Variants in DHRS7B observed in about 807,000 individuals in gnomAD.
DHRS7B encodes dehydrogenase/reductase 7B, also known as peroxisomal reductase activating PPAR-gamma.
DHRS7B carries 24 observed loss-of-function variants against 26.4 expected under a neutral mutation model. That is an observed-to-expected ratio of 0.91 (90% CI 0.66 to 1.28). The LOEUF (loss-of-function observed/expected upper bound fraction) is 1.28. DHRS7B is among the 50% of genes most tolerant of loss of function. DHRS7B has a pLI of 0.00. For missense variants in DHRS7B, 368 were observed against 419.4 expected (o/e 0.88, Z 1.07); for synonymous variants, 142 against 166.4 (o/e 0.85, Z 1.13).
chr17:21,184,124 G>A (rs1221966852), intron 4 of DHRS7B, among the ~76,000 whole-genome samples: 1 of 152,226 alleles, frequency 6.6e-6, no homozygotes, highest in East Asian at 1.9e-4. Flanking sequence ...CAGGAAAAGG[G>A]AACTGAGCTA....
intron 1 of DHRS7B, among the ~76,000 whole-genome samples, chr17:21,132,963 C>T (rs1973271651): frequency 6.6e-6 from 1 of 151,984 alleles, no homozygotes; most frequent in Non-Finnish European, 1.5e-5. Flanking sequence ...AGTCTGAGTA[C>T]GTTGGTTGAA....
chr17:21,138,065 T>TAAAAA (rs1567616007), intron 1 of DHRS7B, among the ~76,000 whole-genome samples: 114 of 10,196 alleles, frequency 0.011, 1 homozygote, highest in African/African-American at 0.051. Flanking sequence ...CCGGCCTCTT[T>TAAAAA]TAAAAAAAAA....
intron 6 of DHRS7B, among the ~76,000 whole-genome samples, chr17:21,189,882 A>C (rs1974738053): frequency 6.6e-6 from 1 of 152,248 alleles, no homozygotes; most frequent in Non-Finnish European, 1.5e-5. Flanking sequence ...GAGTGGTTTC[A>C]TATGGCTAGG....
At chr17:21,180,440 T>G (rs1974492109) in intron 3 of DHRS7B, among the ~76,000 whole-genome samples, 1 of 152,198 alleles carries the variant, frequency 6.6e-6, no homozygotes, top group Non-Finnish European at 1.5e-5. Flanking sequence ...ATACATGGTA[T>G]TAGGTAAGAG....
intron 1 of DHRS7B, among the ~76,000 whole-genome samples, chr17:21,150,105 T>TAA (rs61516968): frequency 0.04 from 1,975 of 49,870 alleles, 174 homozygotes; most frequent in African/African-American, 0.14. Flanking sequence ...CATCTCTATT[T>TAA]AAAAAAAAAA....
chr17:21,141,640 A>AAAAAAAACAAAG, intron 1 of DHRS7B, among the ~76,000 whole-genome samples: 4 of 90,074 alleles, frequency 4.4e-5, no homozygotes, highest in Non-Finnish European at 6.2e-5. Context: ...AAAAAAAAAA[A>AAAAAAAACAAAG]CAACCTCATC....
intron 2 of DHRS7B, among the ~76,000 whole-genome samples, chr17:21,175,135 A>G: frequency 6.6e-6 from 1 of 152,298 alleles, no homozygotes; most frequent in East Asian, 1.9e-4. Flanking sequence ...GGATGAGCAA[A>G]TGCTGTGTGG....
At chr17:21,164,509 A>G (rs1567624048) in intron 1 of DHRS7B, among the ~76,000 whole-genome samples, 1 of 152,188 alleles carries the variant, frequency 6.6e-6, no homozygotes, top group Non-Finnish European at 1.5e-5. Flanking sequence ...TAAAGACAAT[A>G]ATCTGATTTA....
chr17:21,163,997 C>G (rs1974053719), intron 1 of DHRS7B, among the ~76,000 whole-genome samples: 1 of 142,866 alleles, frequency 7.0e-6, no homozygotes, highest in South Asian at 2.2e-4. Context: ...CTATGCTGCT[C>G]AATCTTGAGT....
intron 1 of DHRS7B, among the ~76,000 whole-genome samples, chr17:21,150,201 C>A (rs1054258485): frequency 6.7e-6 from 1 of 149,760 alleles, no homozygotes; most frequent in Non-Finnish European, 1.5e-5. Flanking sequence ...GTATGGCAGA[C>A]GAGGAGGCTG....
At chr17:21,130,685 CTA>C (rs1199881864) in intron 1 of DHRS7B, among the ~76,000 whole-genome samples, 1 of 151,882 alleles carries the variant, frequency 6.6e-6, no homozygotes, top group African/African-American at 2.4e-5. Flanking sequence ...AAAATTTTTA[CTA>C]TATGTTTGCA....
intron 1 of DHRS7B, among the ~76,000 whole-genome samples, chr17:21,171,318 T>C (rs1974240780): frequency 6.6e-6 from 1 of 152,202 alleles, no homozygotes; most frequent in African/African-American, 2.4e-5. Flanking sequence ...GCACAGACAC[T>C]CATACAGCCT....
chr17:21,137,369 T>A (rs1052453749), intron 1 of DHRS7B, among the ~76,000 whole-genome samples: 4 of 148,474 alleles, frequency 2.7e-5, no homozygotes, highest in African/African-American at 1.0e-4. Context: ...CAATCTCAGC[T>A]CACTGCAAGC....
At chr17:21,141,640 A>AAAAACAG in intron 1 of DHRS7B, among the ~76,000 whole-genome samples, 1 of 90,078 alleles carries the variant, frequency 1.1e-5, no homozygotes, top group Non-Finnish European at 2.1e-5. Flanking sequence ...AAAAAAAAAA[A>AAAAACAG]CAACCTCATC....
chr17:21,182,791 C>A (rs186762911), intron 3 of DHRS7B, among the ~76,000 whole-genome samples: 6 of 152,110 alleles, frequency 3.9e-5, no homozygotes, highest in Non-Finnish European at 8.8e-5. Context: ...AAATTCAATT[C>A]GCTGGTATTT....
chr17:21,141,619 C>CAAAAAAAAAAA lies in DHRS7B; in HGVS notation c.20+14639_20+14649dup, dbSNP rs71357469. On this transcript the variant is annotated intron_variant, in intron 1 of 6. Transcript: ENST00000395511. ...AGACTGGTTTCTACCAGCAAGAAAG[C>CAAAAAAAAAAA]AAAAAAAAAAAAAAAAAAAAACAAC... Among the ~76,000 whole-genome samples, 54 of 14,302 alleles carry CAAAAAAAAAAA rather than the reference C, an allele frequency of 3.8e-3. 1 individual carries two copies. Among genetic ancestry groups the CAAAAAAAAAAA allele is most frequent in the East Asian group, 9.0e-3 (5 of 558 alleles). 9.4% of individuals were successfully genotyped at this position (14,302 alleles called of 152,430 possible). A position where few individuals can be genotyped will look rare whatever the true frequency, so the allele number is the denominator to read the frequency against.
chr17:21,144,608 A>C (rs1422676788), intron 1 of DHRS7B, among the ~76,000 whole-genome samples: 1 of 151,984 alleles, frequency 6.6e-6, no homozygotes, highest in Non-Finnish European at 1.5e-5. Context: ...ACCTAAGGTC[A>C]GGAGTTCAAG....
chr17:21,138,101 TACACAC>T (rs370861401), intron 1 of DHRS7B, among the ~76,000 whole-genome samples: 15 of 86,102 alleles, frequency 1.7e-4, no homozygotes, highest in South Asian at 9.7e-4. Context: ...TATATATATA[TACACAC>T]ACACACACAC....
At chr17:21,127,334 A>G (rs116411814) in intron 1 of DHRS7B, 3,360 of 294,608 alleles carry the variant, frequency 0.011, 126 homozygotes, top group African/African-American at 0.068. Flanking sequence ...GTTTATTCCC[A>G]CATTTCTGCG....
Sources: allele counts gnomAD v4.1 joint callset (sites outside exome capture counted in the v4.1 genomes callset), GRCh38; gene constraint gnomAD v4.1.1; transcripts MANE v1.5; gene names NCBI Gene and HGNC (gene_info 2026-07-23, HGNC 2026-07-21).